TLE3: variants seen among roughly 807,000 people sequenced by gnomAD.
TLE3 encodes transducin-like enhancer protein 3.
TLE3 carries 14 observed loss-of-function variants against 93.0 expected under a neutral mutation model. That is an observed-to-expected ratio of 0.15 (90% CI 0.10 to 0.24). The LOEUF (loss-of-function observed/expected upper bound fraction) is 0.24, where lower values mean the gene tolerates loss of function less well. Among genes scored for constraint, TLE3 ranks in the 10% least tolerant of loss-of-function variants. The pLI is 1.00. For synonymous variants in TLE3, 451 were observed against 425.0 expected (o/e 1.06, Z -0.75); for missense variants, 693 against 1,046.6 (o/e 0.66, Z 4.66).
rs1297393895 is a variant in TLE3, at chr15:70,097,669, C to G, written c.-871G>C. The stretch of plus-strand genomic sequence containing the variant: ...GCGTCGGAGCGCACAGGCAGGAGAG[C>G]GCTGGAGGGGAGACGCAGCCCGAGA... On this transcript the variant is annotated 5_prime_UTR_variant, in exon 1 of 20. Coordinates refer to ENST00000451782, the MANE Select transcript of TLE3 (RefSeq NM_001105192.3). The G allele has an allele frequency of 2.5e-6, 1 of 397,498 alleles. No homozygotes were observed. The highest frequency in any genetic ancestry group is 4.4e-6 in the Non-Finnish European group (1 of 225,298). The allele number at this position is 397,498 out of a possible 1,614,324, so 24.6% of individuals were successfully genotyped here.
intron 19 of TLE3, 35 bp downstream of exon 19, chr15:70,051,356 A>G (rs914741252): frequency 2.6e-6 from 4 of 1,561,878 alleles, no homozygotes; most frequent in Admixed American, 3.7e-5. Flanking sequence ...AACTCTGGGT[A>G]GAACCCAGAG....
chr15:70,064,845 T>G (rs1422321219), intron 7 of TLE3, among the ~76,000 whole-genome samples: 1 of 150,462 alleles, frequency 6.6e-6, no homozygotes, highest in Admixed American at 6.6e-5. Flanking sequence ...ATCACAAGCT[T>G]GAGAAGGATC....
chr15:70,055,415 C>T lies in TLE3; in HGVS notation c.1329-117G>A. The T allele has an allele frequency of 1.4e-6, 2 of 1,446,986 alleles. 1 individual carries two copies. The highest frequency in any genetic ancestry group is 2.8e-5 in the South Asian group (2 of 72,168). The allele number at this position is 1,446,986 out of a possible 1,614,324, so 89.6% of individuals were successfully genotyped here. On this transcript the variant is annotated intron_variant, in intron 14 of 19. Coordinates refer to ENST00000451782, the MANE Select transcript of TLE3 (RefSeq NM_001105192.3). ...CTGGCTGCCCTGCCTCTAGCCCCCT[C>T]TGCTCTGAAACCATTCGAACCCAGT...
chr15:70,091,898 G>A (rs2058327234), intron 4 of TLE3, among the ~76,000 whole-genome samples: 1 of 152,188 alleles, frequency 6.6e-6, no homozygotes, highest in African/African-American at 2.4e-5. Context: ...ATGCGCGCAG[G>A]CTGAGGACTG....
At position 70,058,280 on chromosome 15, in the gene TLE3, G is replaced by A. The variant is rs1890706745; in HGVS notation, c.930C>T (p.Ser310=). 2 of 1,608,454 alleles carry A rather than the reference G, an allele frequency of 1.2e-6. No homozygotes were observed. The highest frequency in any genetic ancestry group is 3.4e-5 in the Admixed American group (2 of 59,512). The change falls in exon 12 of 20, where the codon TCC becomes TCT. Residue 310 remains serine, a synonymous_variant. Coordinates refer to ENST00000451782, the MANE Select transcript of TLE3 (RefSeq NM_001105192.3). This position sits in a 1 kb window ranked among gnomAD's most constrained non-coding sequence, Gnocchi z 4.1. Reference sequence around the variant, plus strand: ...TGTTGGACTTGAGCCCAGGGGTGGAGGATTTGTCGTTCTGAAGAGGGGAGA... The same window carrying A: ...TGTTGGACTTGAGCCCAGGGGTGGAAGATTTGTCGTTCTGAAGAGGGGAGA... ...KTKDLGHNDK[S]STPGLKSNTP...
chr15:70,075,116 A>G (rs2057375210), intron 5 of TLE3, among the ~76,000 whole-genome samples: 1 of 152,242 alleles, frequency 6.6e-6, no homozygotes, highest in Non-Finnish European at 1.5e-5. Flanking sequence ...ACCTGTCTAA[A>G]TAGAGAGAAA....
chr15:70,058,527 C>G lies in TLE3; in HGVS notation c.918+136G>C. 7.4e-7 allele frequency: 1 copy of G among 1,354,926 alleles called. No homozygotes were observed. The allele number at this position is 1,354,926 out of a possible 1,614,324, so 83.9% of individuals were successfully genotyped here. A position where few individuals can be genotyped will look rare whatever the true frequency, so the allele number is the denominator to read the frequency against. ...CGTTAACTCATTAGCACAGGCCCAG[C>G]AGGCACAGAAGGTAAACCGGGGCCA... On this transcript the variant is annotated intron_variant, in intron 11 of 19. Coordinates refer to ENST00000451782, the MANE Select transcript of TLE3 (RefSeq NM_001105192.3). The surrounding 1 kb of genome is among the most constrained non-coding windows in gnomAD (Gnocchi z 4.1).
At chr15:70,050,284 C>T (rs1485403568) in intron 19 of TLE3, 80 bp from the exon 20 acceptor site, 2 of 1,086,382 alleles carry the variant, frequency 1.8e-6, no homozygotes, top group Admixed American at 1.7e-5. Context: ...TTTTCCAGTG[C>T]TCAACACCAT....
chr15:70,055,345 C>CA, intron 14 of TLE3, 47 bp from the exon 15 acceptor site: 1 of 1,534,424 alleles, frequency 6.5e-7, no homozygotes, highest in Non-Finnish European at 8.7e-7. Context: ...CCCGGCCCCT[C>CA]AGAGTTCCCA....
intron 12 of TLE3, chr15:70,057,925 A>G: frequency 1.3e-6 from 1 of 750,874 alleles, no homozygotes; most frequent in Non-Finnish European, 2.1e-6. Flanking sequence ...CAGGGGTGGG[A>G]ACAGATTTTG....
In TLE3 at chr15:70,095,620, C is replaced by T; in HGVS notation, c.147G>A (p.Lys49=). Residue 49 remains lysine, a synonymous_variant, in exon 3 of 20, where the codon AAG becomes AAA. Coordinates refer to ENST00000451782, the MANE Select transcript of TLE3 (RefSeq NM_001105192.3). ...QYHSLKVEYD[K]LANEKTEMQR... ...GCATCTCCGTCTTCTCGTTTGCCAG[C>T]TTGTCGTACTCCACTTTGAGGCTGC... 2 of 1,551,616 alleles carry T rather than the reference C, an allele frequency of 1.3e-6. No homozygotes were observed. The highest frequency in any genetic ancestry group is 2.0e-5 in the Admixed American group (1 of 51,014).
At chr15:70,079,217 G>A (rs186306501) in intron 4 of TLE3, among the ~76,000 whole-genome samples, 121 of 151,982 alleles carry the variant, frequency 8.0e-4, no homozygotes, top group Admixed American at 2.7e-3. Context: ...GAGGGCTATC[G>A]CAACAATGCC....
intron 4 of TLE3, among the ~76,000 whole-genome samples, chr15:70,087,941 A>T (rs1488099335): frequency 6.6e-6 from 1 of 152,186 alleles, no homozygotes; most frequent in Non-Finnish European, 1.5e-5. Context: ...GTGAACCTGT[A>T]CTTAAGAATA....
Position 70,096,927 on chromosome 15 carries a change from C to G in TLE3, c.-129G>C, listed in dbSNP as rs1198966417. ...AACCGAGAGCTCGCCCCCGGCCCCC[C>G]CAGCTCGTTCTCGCAGCGAAATCCC... On this transcript the variant is annotated 5_prime_UTR_variant, in exon 1 of 20. Coordinates refer to ENST00000451782, the MANE Select transcript of TLE3 (RefSeq NM_001105192.3). The G allele has an allele frequency of 9.6e-7, 1 of 1,046,184 alleles. No individual in the cohort carries two copies. The highest frequency in any genetic ancestry group is 1.4e-6 in the Non-Finnish European group (1 of 708,754). The allele number at this position is 1,046,184 out of a possible 1,614,324, so 64.8% of individuals were successfully genotyped here.
chr15:70,093,615 CA>C (rs2142069774), intron 4 of TLE3, among the ~76,000 whole-genome samples: 1 of 152,332 alleles, frequency 6.6e-6, no homozygotes, highest in African/African-American at 2.4e-5. Context: ...TTGGCCAAGC[CA>C]AATTATAGGC....
In TLE3 at chr15:70,060,554, C is replaced by A; in HGVS notation, c.690G>T (p.Glu230Asp). The change falls in exon 9 of 20, where the codon GAG becomes GAT. Residue 230 changes from glutamate to aspartate, a missense_variant. By Grantham distance (45) the Glu-to-Asp change is conservative (BLOSUM62 2). Transcript: ENST00000451782. ...CGTATCGGCTCAAGCTGTCCTTCTC[C>A]TCCGCCTTCCGCTTCTTGGCTTCCA... The part of the protein sequence containing the change: ...YSMEAKKRKA[E>D]EKDSLSRYDS... The A allele has an allele frequency of 6.2e-7, 1 of 1,614,010 alleles. No individual in the cohort carries two copies. The highest frequency in any genetic ancestry group is 1.1e-5 in the South Asian group (1 of 91,088).
At position 70,097,710 on chromosome 15, in the gene TLE3, G is replaced by A. The variant is rs1008430447; in HGVS notation, c.-912C>T. The A allele has an allele frequency of 2.9e-4, 115 of 396,786 alleles. 2 individuals are homozygous for A. The East Asian group carries it at 4.1e-3, about 14-fold the overall frequency. The allele number at this position is 396,786 out of a possible 1,614,324, so 24.6% of individuals were successfully genotyped here. On this transcript the variant is annotated 5_prime_UTR_variant, in exon 1 of 20. Coordinates refer to ENST00000451782, the MANE Select transcript of TLE3 (RefSeq NM_001105192.3). ...CAGCCCGAGACCGGGGAGCTCTACG[G>A]CTTCCTTCCTTCCCCTCGGCCCGGC... is the stretch of plus-strand genomic sequence containing the variant.
At chr15:70,067,643 A>T (rs2056894173) in intron 6 of TLE3, among the ~76,000 whole-genome samples, 1 of 152,240 alleles carries the variant, frequency 6.6e-6, no homozygotes, top group South Asian at 2.1e-4. Context: ...AACCGCGAAC[A>T]GATAACAGAA....
rs765219013 is a variant in TLE3, at chr15:70,064,437, A to G, written c.594+17T>C. ...GCACCCAAACACCCCTCCGGGTTCC[A>G]GAGTGCCAACACTTACCGCACTGGA... On this transcript the variant is annotated intron_variant, in intron 8 of 19. Transcript: ENST00000451782. The G allele has an allele frequency of 8.7e-6, 14 of 1,613,706 alleles. No individual in the cohort carries two copies. The highest frequency in any genetic ancestry group is 1.7e-4 in the Middle Eastern group (1 of 6,046).
Sources: gnomAD v4.1 joint callset for allele counts (sites outside exome capture counted in the v4.1 genomes callset) on GRCh38, gnomAD v4.1.1 for gene constraint, Gnocchi (gnomAD v3.1) non-coding constraint, MANE v1.5 for transcripts, NCBI Gene and HGNC (gene_info 2026-07-23, HGNC 2026-07-21) for gene names.